Variants in C6 observed in about 807,000 individuals in gnomAD.
C6 encodes complement C6, also known as complement component C6.
C6 carries 101 observed loss-of-function variants against 112.9 expected under a neutral mutation model. The ratio of observed to expected loss-of-function variants is 0.89; its 90% confidence interval spans 0.76 to 1.06. C6 has a LOEUF of 1.06. Ranked by LOEUF, C6 falls within the 50% of genes least tolerant of loss-of-function variation. The pLI is 0.00. For synonymous variants in C6, 431 were observed against 384.1 expected (o/e 1.12, Z -1.43); for missense variants, 1,202 against 1,104.6 (o/e 1.09, Z -1.25).
At chr5:41,165,371 A>G (rs531461970) in intron 9 of C6, among the ~76,000 whole-genome samples, 1 of 152,272 alleles carries the variant, frequency 6.6e-6, no homozygotes, top group South Asian at 2.1e-4. Context: ...AGTTTCCAAA[A>G]TGGTATTACC....
In C6 at chr5:41,176,503, C is replaced by T. The variant is rs556494307; in HGVS notation, c.1140G>A (p.Gln380=). 1 of 1,613,726 alleles carries T rather than the reference C, an allele frequency of 6.2e-7. No individual in the cohort carries two copies. The highest frequency in any genetic ancestry group is 8.5e-7 in the Non-Finnish European group (1 of 1,179,796). The part of the protein sequence containing the change: ...SLGGVYDLLY[Q]FSSEELKNSG... Reference sequence around the variant, plus strand: ...AGTTCTTTAGTTCCTCACTGCTAAACTGATAGAGAAGGTCATACACGCCTC... The same window carrying T: ...AGTTCTTTAGTTCCTCACTGCTAAATTGATAGAGAAGGTCATACACGCCTC... Residue 380 remains glutamine, a synonymous_variant, in exon 8 of 18, where the codon CAG becomes CAA. Coordinates refer to ENST00000337836, the MANE Select transcript of C6 (RefSeq NM_000065.5).
At chr5:41,239,293 G>C (rs183622104) in intron 1 of C6, among the ~76,000 whole-genome samples, 1 of 151,692 alleles carries the variant, frequency 6.6e-6, no homozygotes, top group African/African-American at 2.4e-5. Flanking sequence ...TGTAGTTTTA[G>C]TAGAGATGGG....
In C6 at chr5:41,246,976, A is replaced by G. The variant is rs557253509; in HGVS notation, c.-21+14218T>C. Reference sequence around the variant, plus strand: ...AGTTAAATCTGTGCAATAATGACAGATATCAGTTAAGTATTAATAATAAAA... The same window carrying G: ...AGTTAAATCTGTGCAATAATGACAGGTATCAGTTAAGTATTAATAATAAAA... On this transcript the variant is annotated intron_variant, in intron 1 of 17. Coordinates refer to the C6 transcript ENST00000263413. Among the ~76,000 whole-genome samples the G allele has an allele frequency of 1.5e-4, 23 of 152,314 alleles. No individual in the cohort carries two copies. In the East Asian group the frequency reaches 4.2e-3, roughly 28 times the overall value.
rs1034032682 is a variant in C6 at position 41,205,972 on chromosome 5, C to T, written c.-20-2722G>A. ...CCTAACTGGGAAACACCTCCCAGTA[C>T]GGGCCGACTGACACCTCATACAGCT... On this transcript the variant is annotated intron_variant, in intron 1 of 17. Transcript: ENST00000337836. Among the ~76,000 whole-genome samples the T allele has an allele frequency of 5.3e-5, 8 of 152,310 alleles. 1 individual carries two copies. Among genetic ancestry groups the T allele is most frequent in the Middle Eastern group, 6.8e-3 (2 of 294 alleles).
chr5:41,145,123 T>C (rs1038764798), intron 17 of C6, among the ~76,000 whole-genome samples: 2 of 152,196 alleles, frequency 1.3e-5, no homozygotes, highest in Non-Finnish European at 2.9e-5. Flanking sequence ...CTGGGTCAAA[T>C]GGTAATTATG....
At chr5:41,185,086 A>T (rs1269939543) in intron 6 of C6, among the ~76,000 whole-genome samples, 3 of 152,204 alleles carry the variant, frequency 2.0e-5, no homozygotes, top group Non-Finnish European at 4.4e-5. Context: ...CCATCAGAAC[A>T]ATATTACATA....
intron 1 of C6, among the ~76,000 whole-genome samples, chr5:41,241,590 G>A (rs1476041348): frequency 6.6e-6 from 1 of 152,190 alleles, no homozygotes; most frequent in Non-Finnish European, 1.5e-5. Context: ...GTTGGAGGAA[G>A]TGAAAGGATA....
In C6 at chr5:41,185,143, A is replaced by G. The variant is rs117628453; in HGVS notation, c.726+927T>C. Among the ~76,000 whole-genome samples the G allele has an allele frequency of 1.4e-3, 210 of 152,318 alleles. 6 individuals carry two copies. In the East Asian group the frequency reaches 0.038, roughly 28 times the overall value. On this transcript the variant is annotated intron_variant, in intron 6 of 17. Coordinates refer to ENST00000337836, the MANE Select transcript of C6 (RefSeq NM_000065.5). ...TGTCTACAAAGCCTGTTCAAATACAATATATCTTAAGAGCAGTATTATCAG... is the reference window on the plus strand; with the variant it reads ...TGTCTACAAAGCCTGTTCAAATACAGTATATCTTAAGAGCAGTATTATCAG...
chr5:41,152,231 T>C (rs1374121642), intron 15 of C6, among the ~76,000 whole-genome samples: 7 of 151,856 alleles, frequency 4.6e-5, no homozygotes, highest in African/African-American at 1.7e-4. Context: ...ATAAGGAAAT[T>C]ACACTTGAAC....
intron 1 of C6, among the ~76,000 whole-genome samples, chr5:41,219,905 C>T (rs1341671863): frequency 6.6e-6 from 1 of 152,142 alleles, no homozygotes; most frequent in Non-Finnish European, 1.5e-5. Context: ...TGTATTGAAT[C>T]CTGCATGGGA....
At chr5:41,245,534 G>C (rs1740970579) in intron 1 of C6, among the ~76,000 whole-genome samples, 1 of 151,968 alleles carries the variant, frequency 6.6e-6, no homozygotes, top group African/African-American at 2.4e-5. Flanking sequence ...AGATTCACTA[G>C]TAAAGCCATC....
At position 41,150,022 on chromosome 5, in the gene C6, G is replaced by T. The variant is rs1746233234; in HGVS notation, c.2294C>A (p.Thr765Asn). 3.1e-6 allele frequency: 5 copies of T among 1,605,436 alleles called. No individual in the cohort carries two copies. The highest frequency in any genetic ancestry group is 4.3e-6 in the Non-Finnish European group (5 of 1,172,336). Residue 765 changes from threonine to asparagine, a missense_variant, in exon 16 of 18, where the codon ACT becomes AAT. Coordinates refer to ENST00000337836, the MANE Select transcript of C6 (RefSeq NM_000065.5). ...ISNSLTCEKD[T>N]LTKLKGHCQL... ...ACAATGGCCTTTTAATTTTGTTAGA[G>T]TATCTGAAACAAAAGAAAAAAGGAG...
At chr5:41,242,253 A>T (rs1040692908) in intron 1 of C6, among the ~76,000 whole-genome samples, 2 of 152,092 alleles carry the variant, frequency 1.3e-5, no homozygotes, top group Non-Finnish European at 2.9e-5. Context: ...GGTTTCCCCC[A>T]TCGTGTTCTC....
chr5:41,150,886 A>G lies in C6; in HGVS notation c.2291-861T>C, dbSNP rs1423078264. On this transcript the variant is annotated intron_variant, in intron 15 of 17. Coordinates refer to ENST00000337836, the MANE Select transcript of C6 (RefSeq NM_000065.5). Reference sequence around the variant, plus strand: ...GGGCAACAGAGTAAGACTCTGTCTAAAAAAAAAAAAAAAAGGCAGGCAGCA... The same window carrying G: ...GGGCAACAGAGTAAGACTCTGTCTAGAAAAAAAAAAAAAAGGCAGGCAGCA... Among the ~76,000 whole-genome samples, 3 of 71,704 alleles carry G rather than the reference A, an allele frequency of 4.2e-5. No homozygotes were observed. In the Admixed American group the frequency reaches 5.1e-4, roughly 12 times the overall value. The allele number at this position is 71,704 out of a possible 152,430, so 47.0% of individuals were successfully genotyped here.
intron 7 of C6, 76 bp downstream of exon 7, chr5:41,181,283 C>T (rs1561136475): frequency 1.5e-6 from 2 of 1,327,194 alleles, no homozygotes; most frequent in Non-Finnish European, 2.2e-6. Flanking sequence ...AAAACTCTCC[C>T]CTTCTTATTG....
chr5:41,221,250 T>G (rs911590986), intron 1 of C6, among the ~76,000 whole-genome samples: 3 of 152,146 alleles, frequency 2.0e-5, no homozygotes, highest in Admixed American at 2.0e-4. Flanking sequence ...ATAGTTTTCA[T>G]GAAAACTCTA....
chr5:41,178,202 CTTTAT>C (rs1162797415), intron 7 of C6, among the ~76,000 whole-genome samples: 2 of 152,042 alleles, frequency 1.3e-5, no homozygotes, highest in Non-Finnish European at 2.9e-5. Flanking sequence ...TGAGGTCCTG[CTTTAT>C]TTTAATAATA....
At chr5:41,254,985 C>T (rs982967033) in intron 1 of C6, among the ~76,000 whole-genome samples, 3 of 152,298 alleles carry the variant, frequency 2.0e-5, no homozygotes, top group African/African-American at 7.2e-5. Context: ...CATAGGTGCT[C>T]ATGTCTGATT....
intron 9 of C6, among the ~76,000 whole-genome samples, chr5:41,168,675 G>C (rs1430141986): frequency 6.6e-6 from 1 of 152,082 alleles, no homozygotes; most frequent in East Asian, 1.9e-4. Flanking sequence ...AGATTGCATT[G>C]ACACAGTTAA....
Sources: allele counts gnomAD v4.1 joint callset (sites outside exome capture counted in the v4.1 genomes callset), GRCh38; gene constraint gnomAD v4.1.1; transcripts MANE v1.5; gene names NCBI Gene and HGNC (gene_info 2026-07-23, HGNC 2026-07-21).